SOX1: variants seen among roughly 807,000 people sequenced by gnomAD.
SOX1 encodes the protein SRY-box transcription factor 1.
SOX1 carries 1 observed loss-of-function variant against 0.9 expected under a neutral mutation model. The ratio of observed to expected loss-of-function variants is 1.07; its 90% CI spans 0.38 to 5.06. SOX1 has a LOEUF of 5.06. Among genes scored for constraint, SOX1 ranks in the 30% most tolerant of loss-of-function variants. The pLI, the probability that SOX1 is intolerant of heterozygous loss-of-function variation, is 0.16. For synonymous variants in SOX1, 397 were observed against 265.5 expected (o/e 1.50, Z -4.81); for missense variants, 564 against 534.4 (o/e 1.06, Z -0.55).
chr13:112,068,135 G>A lies in SOX1; in HGVS notation c.477G>A (p.Val159=). The part of the protein sequence containing the change: ...GGAAVAMGVG[V]GVGAAAVGQR... ...CGGCTGTGGCCATGGGCGTGGGCGT[G>A]GGCGTGGGCGCGGCGGCCGTGGGCC... The change falls in exon 1 of 1, where the codon GTG becomes GTA. Residue 159 remains valine (V), a synonymous_variant. Transcript: ENST00000330949. This position sits in a 1 kb window ranked among gnomAD's most constrained non-coding sequence, Gnocchi z 6.9. 2.7e-6 allele frequency: 3 copies of A among 1,115,864 alleles called. No individual in the cohort carries two copies. Among genetic ancestry groups the A allele is most frequent in the Non-Finnish European group, 3.3e-6 (3 of 907,210 alleles). 69.1% of individuals were successfully genotyped at this position (1,115,864 alleles called of 1,614,324 possible).
In SOX1 at chr13:112,071,189, TTC is replaced by T. The variant is rs2138620183; in HGVS notation, c.*2357_*2358del. On this transcript the variant is annotated 3_prime_UTR_variant, in exon 1 of 1. Transcript: ENST00000330949. ...TGCTCCCCTGTGTGTACCCTGGAGTTTCTGTGTCCAATTGTTGGCATCTAGGT... is the reference window on the plus strand; with the variant it reads ...TGCTCCCCTGTGTGTACCCTGGAGTTTGTGTCCAATTGTTGGCATCTAGGT... Among the ~76,000 whole-genome samples, 1 of 152,354 alleles carries T rather than the reference TTC, an allele frequency of 6.6e-6. No individual in the cohort carries two copies. Among genetic ancestry groups the T allele is most frequent in the South Asian group, 2.1e-4 (1 of 4,826 alleles).
Position 112,067,669 on chromosome 13 carries a change from T to C in SOX1, c.11T>C (p.Met4Thr). 7.9e-7 allele frequency: 1 copy of C among 1,269,202 alleles called. No homozygotes were observed. The highest frequency in any genetic ancestry group is 1.0e-6 in the Non-Finnish European group (1 of 995,884). 78.6% of individuals were successfully genotyped at this position (1,269,202 alleles called of 1,614,324 possible). The change falls in exon 1 of 1, where the codon ATG (methionine) becomes ACG (threonine). Residue 4 changes from methionine to threonine, a missense_variant. By Grantham distance (81) the Met-to-Thr change is moderately conservative. Coordinates refer to ENST00000330949, the MANE Select transcript of SOX1 (RefSeq NM_005986.3). The surrounding 1 kb of genome is among the most constrained non-coding windows in gnomAD (Gnocchi z 5.1). ...CCGCCAGCCGCCCCGATGTACAGCA[T>C]GATGATGGAGACCGACCTGCACTCG... Reference protein sequence around the residue: MYSMMMETDLHSPG... With the variant: MYSTMMETDLHSPG...
At position 112,068,516 on chromosome 13, in the gene SOX1, C is replaced by A; in HGVS notation, c.858C>A (p.Ala286=). Residue 286 remains alanine, a synonymous_variant, in exon 1 of 1, where the codon GCC becomes GCA. Transcript: ENST00000330949. This position sits in a 1 kb window ranked among gnomAD's most constrained non-coding sequence, Gnocchi z 6.9. ...LPYGAAAAAA[A]AAGGAHQNSA... ...ACGGCGCCGCGGCCGCCGCCGCCGC[C>A]GCTGCGGGCGGCGCGCACCAGAACT... is the stretch of plus-strand genomic sequence containing the variant. 1 of 991,626 alleles carries A rather than the reference C, an allele frequency of 1.0e-6. No individual in the cohort carries two copies. Among genetic ancestry groups the A allele is most frequent in the Admixed American group, 6.3e-5 (1 of 15,970 alleles). 61.4% of individuals were successfully genotyped at this position (991,626 alleles called of 1,614,324 possible). A position where few individuals can be genotyped will look rare whatever the true frequency, so the allele number is the denominator to read the frequency against.
At position 112,068,934 on chromosome 13, in the gene SOX1, C is replaced by A. The variant is rs1178697266; in HGVS notation, c.*100C>A. The A allele has an allele frequency of 2.2e-6, 2 of 900,726 alleles. No homozygotes were observed. The highest frequency in any genetic ancestry group is 2.9e-6 in the Non-Finnish European group (2 of 697,658). 55.8% of individuals were successfully genotyped at this position (900,726 alleles called of 1,614,324 possible). A position where few individuals can be genotyped will look rare whatever the true frequency, so the allele number is the denominator to read the frequency against. ...CGGCGCGGCGTGGCTTTTGTACAGA[C>A]GTTCCCACATTCTTGTCAAAAGGAA... On this transcript the variant is annotated 3_prime_UTR_variant, in exon 1 of 1. Coordinates refer to ENST00000330949, the MANE Select transcript of SOX1 (RefSeq NM_005986.3). The surrounding 1 kb of genome is among the most constrained non-coding windows in gnomAD (Gnocchi z 6.9).
rs1333401182 is a variant in SOX1, at chr13:112,067,665, A to C, written c.7A>C (p.Ser3Arg). ...GAACCCGCCAGCCGCCCCGATGTAC[A>C]GCATGATGATGGAGACCGACCTGCA... MY[S>R]MMMETDLHSP... Residue 3 changes from serine to arginine, a missense_variant, in exon 1 of 1, where the codon AGC (serine) becomes CGC (arginine). Ser to Arg is a moderately radical substitution (Grantham distance 110, BLOSUM62 -1). Coordinates refer to ENST00000330949, the MANE Select transcript of SOX1 (RefSeq NM_005986.3). This position sits in a 1 kb window ranked among gnomAD's most constrained non-coding sequence, Gnocchi z 5.1. 1 of 1,273,434 alleles carries C rather than the reference A, an allele frequency of 7.9e-7. No individual in the cohort carries two copies. Among genetic ancestry groups the C allele is most frequent in the Non-Finnish European group, 1.0e-6 (1 of 998,412 alleles). 78.9% of individuals were successfully genotyped at this position (1,273,434 alleles called of 1,614,324 possible).
In SOX1 at chr13:112,070,663, T is replaced by C. The variant is rs1274930952; in HGVS notation, c.*1829T>C. ...GGAGTATGGACTGTCCGTCCAAAAG[T>C]GAGCCTATGCTATAAGTTTAATGAG... On this transcript the variant is annotated 3_prime_UTR_variant, in exon 1 of 1. Coordinates refer to ENST00000330949, the MANE Select transcript of SOX1 (RefSeq NM_005986.3). 6.6e-6 allele frequency among the ~76,000 whole-genome samples: 1 copy of C among 152,202 alleles called. No homozygotes were observed. The highest frequency in any genetic ancestry group is 1.5e-5 in the Non-Finnish European group (1 of 68,040).
Position 112,071,376 on chromosome 13 carries a change from CA to C in SOX1, c.*2544del, listed in dbSNP as rs1447968910. Among the ~76,000 whole-genome samples the C allele has an allele frequency of 6.6e-6, 1 of 152,232 alleles. No individual in the cohort carries two copies. Among genetic ancestry groups the C allele is most frequent in the Non-Finnish European group, 1.5e-5 (1 of 68,042 alleles). ...CTGAAATAGCCAATGCCAGGTGCTCCAACCACCTTATTTCCTTGTTTTGTTG... is the reference window on the plus strand; with the variant it reads ...CTGAAATAGCCAATGCCAGGTGCTCCACCACCTTATTTCCTTGTTTTGTTG... On this transcript the variant is annotated 3_prime_UTR_variant, in exon 1 of 1. Coordinates refer to ENST00000330949, the MANE Select transcript of SOX1 (RefSeq NM_005986.3).
chr13:112,068,678 G>A lies in SOX1; in HGVS notation c.1020G>A (p.Leu340=), dbSNP rs1880801661. 25 of 1,172,724 alleles carry A rather than the reference G, an allele frequency of 2.1e-5. No homozygotes were observed. The highest frequency in any genetic ancestry group is 2.4e-5 in the Non-Finnish European group (23 of 950,300). 72.6% of individuals were successfully genotyped at this position (1,172,724 alleles called of 1,614,324 possible). Residue 340 remains leucine, a synonymous_variant, in exon 1 of 1, where the codon CTG becomes CTA. Transcript: ENST00000330949. This position sits in a 1 kb window ranked among gnomAD's most constrained non-coding sequence, Gnocchi z 6.9. ...CGCGGGCGCCGTGCCCCGGGGACCT[G>A]CGCGAGATGATCAGCATGTACTTGC... The part of the protein sequence containing the change: ...AHSRAPCPGD[L]REMISMYLPA...
rs528369707 is a variant in SOX1 at position 112,070,945 on chromosome 13, G to A, written c.*2111G>A. Among the ~76,000 whole-genome samples, 1 of 150,942 alleles carries A rather than the reference G, an allele frequency of 6.6e-6. No individual in the cohort carries two copies. Among genetic ancestry groups the A allele is most frequent in the Admixed American group, 6.6e-5 (1 of 15,176 alleles). ...CAGTTGTTTCTGGAAGAGTCTGTGCGCCCATGGATGGCTGAGCACCACTAC... is the reference window on the plus strand; with the variant it reads ...CAGTTGTTTCTGGAAGAGTCTGTGCACCCATGGATGGCTGAGCACCACTAC... On this transcript the variant is annotated 3_prime_UTR_variant, in exon 1 of 1. Coordinates refer to ENST00000330949, the MANE Select transcript of SOX1 (RefSeq NM_005986.3).
chr13:112,067,565 C>G lies in SOX1; in HGVS notation c.-94C>G, dbSNP rs1254928525. The G allele has an allele frequency of 1.6e-6, 1 of 612,762 alleles. No individual in the cohort carries two copies. The highest frequency in any genetic ancestry group is 2.0e-5 in the African/African-American group (1 of 50,204). 38.0% of individuals were successfully genotyped at this position (612,762 alleles called of 1,614,324 possible). A position where few individuals can be genotyped will look rare whatever the true frequency, so the allele number is the denominator to read the frequency against. On this transcript the variant is annotated 5_prime_UTR_variant, in exon 1 of 1. Transcript: ENST00000330949. The surrounding 1 kb of genome is among the most constrained non-coding windows in gnomAD (Gnocchi z 5.1). Reference sequence around the variant, plus strand: ...CTAGGACCCCCCCGCCCCCGTCTCACTCCGTCTGAATTCCTCTCCGTCTCC... The same window carrying G: ...CTAGGACCCCCCCGCCCCCGTCTCAGTCCGTCTGAATTCCTCTCCGTCTCC...
rs902519996 is a variant in SOX1 at position 112,067,459 on chromosome 13, C to A, written c.-200C>A. On this transcript the variant is annotated 5_prime_UTR_variant, in exon 1 of 1. Coordinates refer to ENST00000330949, the MANE Select transcript of SOX1 (RefSeq NM_005986.3). This position sits in a 1 kb window ranked among gnomAD's most constrained non-coding sequence, Gnocchi z 5.1. ...TGCATCAGGAGAAACTTTCCACCTG[C>A]GAGCCGAACCGGCGCCGAGTGCGTG... 6.6e-6 allele frequency among the ~76,000 whole-genome samples: 1 copy of A among 152,170 alleles called. No individual in the cohort carries two copies. Among genetic ancestry groups the A allele is most frequent in the African/African-American group, 2.4e-5 (1 of 41,456 alleles).
rs368675383 is a variant in SOX1 at position 112,070,741 on chromosome 13, CAATT to C, written c.*1908_*1911del. Among the ~76,000 whole-genome samples, 618 of 152,268 alleles carry C rather than the reference CAATT, an allele frequency of 4.1e-3. 3 individuals are homozygous for C. The highest frequency in any genetic ancestry group is 0.014 in the African/African-American group (593 of 41,534). On this transcript the variant is annotated 3_prime_UTR_variant, in exon 1 of 1. Coordinates refer to ENST00000330949, the MANE Select transcript of SOX1 (RefSeq NM_005986.3). Reference sequence around the variant, plus strand: ...AGCTTTAAGTATAATGCTGATCTGACAATTGACGTGTAATTTGGGAAGTCATTTT... The same window carrying C: ...AGCTTTAAGTATAATGCTGATCTGACGACGTGTAATTTGGGAAGTCATTTT...
rs1462498727 is a variant in SOX1 at position 112,069,396 on chromosome 13, C to T, written c.*562C>T. 6.0e-6 allele frequency: 1 copy of T among 166,806 alleles called. No homozygotes were observed. Among genetic ancestry groups the T allele is most frequent in the Non-Finnish European group, 1.5e-5 (1 of 68,100 alleles). 10.3% of individuals were successfully genotyped at this position (166,806 alleles called of 1,614,324 possible). On this transcript the variant is annotated 3_prime_UTR_variant, in exon 1 of 1. Coordinates refer to ENST00000330949, the MANE Select transcript of SOX1 (RefSeq NM_005986.3). ...CACCACCACCCCCTCCTTCAGACGG[C>T]GGAGTTATATTCTGGGTTTTGTAAA...
chr13:112,068,476 A>C lies in SOX1; in HGVS notation c.818A>C (p.Tyr273Ser). ...QGYMSASPSG[Y>S]GGLPYGAAAA... ...TACATGAGCGCGTCGCCCTCGGGCT[A>C]CGGCGGCCTCCCCTACGGCGCCGCG... The change falls in exon 1 of 1, where the codon TAC (tyrosine) becomes TCC (serine). Residue 273 changes from tyrosine (Y) to serine (S), a missense_variant. Physicochemically the swap from Tyr to Ser is moderately radical, Grantham distance 144. Transcript: ENST00000330949. The surrounding 1 kb of genome is among the most constrained non-coding windows in gnomAD (Gnocchi z 6.9). The C allele has an allele frequency of 8.8e-7, 1 of 1,131,256 alleles. No individual in the cohort carries two copies. The highest frequency in any genetic ancestry group is 1.1e-6 in the Non-Finnish European group (1 of 915,210). 70.1% of individuals were successfully genotyped at this position (1,131,256 alleles called of 1,614,324 possible).
Position 112,068,245 on chromosome 13 carries a change from TGGC to T in SOX1, c.603_605del (p.Ala204del), listed in dbSNP as rs949147623. 7.5e-4 allele frequency: 542 copies of T among 718,010 alleles called. No homozygotes were observed. Among genetic ancestry groups the T allele is most frequent in the Middle Eastern group, 2.0e-3 (3 of 1,514 alleles). The allele number at this position is 718,010 out of a possible 1,614,324, so 44.5% of individuals were successfully genotyped here. A position where few individuals can be genotyped will look rare whatever the true frequency, so the allele number is the denominator to read the frequency against. On this transcript the variant is annotated inframe_deletion, in exon 1 of 1. Transcript: ENST00000330949. The surrounding 1 kb of genome is among the most constrained non-coding windows in gnomAD (Gnocchi z 6.9). ...GCCAACGGCGCCTACCCCGGCTCGG[TGGC>T]GGCGGCGGCGGCGGCCGCGGCCATG...
chr13:112,068,560 C>T lies in SOX1; in HGVS notation c.902C>T (p.Ala301Val). Residue 301 changes from alanine (A) to valine (V), a missense_variant, in exon 1 of 1, where the codon GCG becomes GTG. Ala to Val is a moderately conservative substitution (Grantham distance 64). Transcript: ENST00000330949. The surrounding 1 kb of genome is among the most constrained non-coding windows in gnomAD (Gnocchi z 6.9). ...CAGAACTCGGCCGTGGCGGCGGCGG[C>T]GGCGGCGGCGGCCGCGTCGTCGGGC... ...AHQNSAVAAA[A>V]AAAAASSGAL... The T allele has an allele frequency of 1.0e-6, 1 of 981,048 alleles. No individual in the cohort carries two copies. Among genetic ancestry groups the T allele is most frequent in the Non-Finnish European group, 1.2e-6 (1 of 822,794 alleles). 60.8% of individuals were successfully genotyped at this position (981,048 alleles called of 1,614,324 possible).
In SOX1 at chr13:112,067,170, G is replaced by A. The variant is rs1441344071; in HGVS notation, c.-489G>A. Among the ~76,000 whole-genome samples the A allele has an allele frequency of 2.0e-5, 3 of 151,056 alleles. No homozygotes were observed. Among genetic ancestry groups the A allele is most frequent in the African/African-American group, 7.3e-5 (3 of 41,096 alleles). ...GACCAGCACATGCCCAGCGCACGCG[G>A]CGCGCCGCCCTGCTAGAAGTTGCAG... On this transcript the variant is annotated 5_prime_UTR_variant, in exon 1 of 1. Coordinates refer to ENST00000330949, the MANE Select transcript of SOX1 (RefSeq NM_005986.3). The surrounding 1 kb of genome is among the most constrained non-coding windows in gnomAD (Gnocchi z 5.1).
At position 112,068,789 on chromosome 13, in the gene SOX1, C is replaced by T; in HGVS notation, c.1131C>T (p.Gly377=). The change falls in exon 1 of 1, where the codon GGC becomes GGT. Residue 377 remains glycine (G), a synonymous_variant. Coordinates refer to ENST00000330949, the MANE Select transcript of SOX1 (RefSeq NM_005986.3). The surrounding 1 kb of genome is among the most constrained non-coding windows in gnomAD (Gnocchi z 6.9). ...RLHSLPQHYQ[G]AGAGVNGTVP... Reference sequence around the variant, plus strand: ...ACTCGCTGCCGCAGCACTACCAGGGCGCGGGCGCGGGCGTGAACGGCACGG... The same window carrying T: ...ACTCGCTGCCGCAGCACTACCAGGGTGCGGGCGCGGGCGTGAACGGCACGG... 1.6e-6 allele frequency: 2 copies of T among 1,225,150 alleles called. No homozygotes were observed. Among genetic ancestry groups the T allele is most frequent in the Non-Finnish European group, 2.0e-6 (2 of 982,626 alleles). The allele number at this position is 1,225,150 out of a possible 1,614,324, so 75.9% of individuals were successfully genotyped here.
rs2138619401 is a variant in SOX1 at position 112,070,444 on chromosome 13, GTCT to G, written c.*1613_*1615del. ...AATTTAAAAATTTCTGTAAAACTTT[GTCT>G]TCAAGTAATCTGACAGCATTAAATA... On this transcript the variant is annotated 3_prime_UTR_variant, in exon 1 of 1. Transcript: ENST00000330949. 6.1e-6 allele frequency: 1 copy of G among 165,218 alleles called. No homozygotes were observed. Among genetic ancestry groups the G allele is most frequent in the South Asian group, 2.1e-4 (1 of 4,776 alleles). 10.2% of individuals were successfully genotyped at this position (165,218 alleles called of 1,614,324 possible).
Sources: allele counts gnomAD v4.1 joint callset (sites outside exome capture counted in the v4.1 genomes callset), GRCh38; gene constraint gnomAD v4.1.1; non-coding constraint Gnocchi (gnomAD v3.1); transcripts MANE v1.5; gene names NCBI Gene and HGNC (gene_info 2026-07-23, HGNC 2026-07-21).